MARF1: variants seen among roughly 807,000 people sequenced by gnomAD.
MARF1 encodes the protein meiosis regulator and mRNA stability factor 1.
In MARF1, 24 loss-of-function variants were observed where a neutral mutation model predicts 168.2. That is an observed-to-expected ratio of 0.14 (90% CI 0.10 to 0.20). MARF1 has a LOEUF of 0.20. MARF1 is among the 10% of genes least tolerant of loss of function. MARF1 has a pLI of 1.00. For missense variants in MARF1, 1,744 were observed against 2,143.6 expected, an observed-to-expected ratio of 0.81 and a Z score of 3.68; for synonymous variants, 868 against 822.4, an observed-to-expected ratio of 1.06 and a Z score of -0.95.
chr16:15,612,815 G>C, intron 16 of MARF1, 38 bp from the exon 17 acceptor site: 2 of 1,559,472 alleles, frequency 1.3e-6, no homozygotes, highest in Non-Finnish European at 1.8e-6. Context: ...AGAAAGCACA[G>C]ATTTCACCAG....
In MARF1 at chr16:15,617,488, G is replaced by C; in HGVS notation, c.2768C>G (p.Thr923Arg). ...NVSDLYKLTD[T>R]VAIREQGNGR... ...GTTTCCTTGTTCACGGATTGCGACC[G>C]TGTCTGTTAATTTATATAGATCTGA... Residue 923 changes from threonine to arginine, a missense_variant, in exon 14 of 27, where the codon ACG (threonine) becomes AGG (arginine). Transcript: ENST00000396368. 6.2e-7 allele frequency: 1 copy of C among 1,613,666 alleles called. No homozygotes were observed. Among genetic ancestry groups the C allele is most frequent in the South Asian group, 1.1e-5 (1 of 91,056 alleles).
At chr16:15,615,644 A>T (rs1025908729) in intron 16 of MARF1, among the ~76,000 whole-genome samples, 186 bp downstream of exon 16, 7 of 152,156 alleles carry the variant, frequency 4.6e-5, no homozygotes, top group Admixed American at 1.3e-4. Flanking sequence ...AATAAATAAA[A>T]AATAAAACAA....
rs2035237494 is a variant in MARF1, at chr16:15,631,324, A to G, written c.1351+57T>C. 13 of 1,191,072 alleles carry G rather than the reference A, an allele frequency of 1.1e-5. No homozygotes were observed. The South Asian group carries it at 1.2e-4, about 11-fold the overall frequency. 73.8% of individuals were successfully genotyped at this position (1,191,072 alleles called of 1,614,324 possible). On this transcript the variant is annotated intron_variant, in intron 6 of 26. Transcript: ENST00000396368. ...TTACTTTCACATGTTGCTGGCTTCTATGATAATTTCCCACACAGTGAGTTT... is the reference window on the plus strand; with the variant it reads ...TTACTTTCACATGTTGCTGGCTTCTGTGATAATTTCCCACACAGTGAGTTT...
At chr16:15,635,533 G>T in intron 3 of MARF1, 123 bp downstream of exon 3, 1 of 851,030 alleles carries the variant, frequency 1.2e-6, no homozygotes, top group East Asian at 2.7e-5. Flanking sequence ...CTGATGGGGA[G>T]ATTCCCCTAT....
chr16:15,636,491 T>TA, intron 2 of MARF1, 149 bp from the exon 3 acceptor site: 1 of 624,286 alleles, frequency 1.6e-6, no homozygotes, highest in Non-Finnish European at 2.7e-6. Flanking sequence ...CACAGCTAGT[T>TA]AAAACCAGGA....
Position 15,613,661 on chromosome 16 carries a change from C to CAATAAATAATAAATAAATAAATA in MARF1, c.3254-885_3254-884insTATTTATTTATTTATTATTTATT, listed in dbSNP as rs74800793. Reference sequence around the variant, plus strand: ...TGGGACACAGAGCGAGATTCCGTCTCAATAAATAAATAAATAAATAAATAA... The same window carrying CAATAAATAATAAATAAATAAATA: ...TGGGACACAGAGCGAGATTCCGTCTCAATAAATAATAAATAAATAAATAAATAAATAAATAAATAAATAAATAA... On this transcript the variant is annotated intron_variant, in intron 16 of 26. Transcript: ENST00000396368. 4.8e-3 allele frequency among the ~76,000 whole-genome samples: 602 copies of CAATAAATAATAAATAAATAAATA among 126,652 alleles called. 8 individuals carry two copies. The highest frequency in any genetic ancestry group is 7.3e-3 in the South Asian group (27 of 3,690). 83.1% of individuals were successfully genotyped at this position (126,652 alleles called of 152,430 possible).
intron 23 of MARF1, 105 bp from the exon 24 acceptor site, chr16:15,600,806 T>G (rs2032348236): frequency 4.3e-6 from 5 of 1,170,098 alleles, no homozygotes; most frequent in Non-Finnish European, 6.4e-6. Flanking sequence ...GGCTAGAATT[T>G]AGGAGCTGAG....
intron 12 of MARF1, 93 bp from the exon 13 acceptor site, chr16:15,620,624 C>A: frequency 4.0e-6 from 3 of 758,408 alleles, no homozygotes; most frequent in South Asian, 2.1e-5. Context: ...AGTGCATATG[C>A]AAAATAAATT....
intron 13 of MARF1, among the ~76,000 whole-genome samples, chr16:15,618,375 C>T (rs1306514967): frequency 6.6e-6 from 1 of 152,216 alleles, no homozygotes; most frequent in Non-Finnish European, 1.5e-5. Flanking sequence ...CATTCTCAGT[C>T]TCGTACTCTA....
Position 15,612,779 on chromosome 16 carries a change from T to G in MARF1, c.3254-2A>C. On this transcript the variant is annotated splice_acceptor_variant, in intron 16 of 26. Transcript: ENST00000396368. LOFTEE classifies it high-confidence loss of function. ...TCTTCGAACGCAGAAGCCAAGGGTC[T>G]AGAAGAAAAAGAACGTGTATAAGAC... The G allele has an allele frequency of 6.2e-7, 1 of 1,613,024 alleles. No homozygotes were observed. The highest frequency in any genetic ancestry group is 8.5e-7 in the Non-Finnish European group (1 of 1,179,094).
At chr16:15,604,126 T>C (rs748500355) in intron 22 of MARF1, 42 bp downstream of exon 22, 4 of 1,429,338 alleles carry the variant, frequency 2.8e-6, no homozygotes, top group East Asian at 2.3e-5. Flanking sequence ...GCCCAATCGA[T>C]AGTTTTCAAT....
chr16:15,616,824 G>A (rs970828231), intron 15 of MARF1: 1 of 509,658 alleles, frequency 2.0e-6, no homozygotes, highest in African/African-American at 1.9e-5. Flanking sequence ...GAAAGGTCTA[G>A]TGAAAATATG....
In MARF1 at chr16:15,639,159, C is replaced by T. The variant is rs2035785647; in HGVS notation, c.75G>A (p.Lys25=). The T allele has an allele frequency of 6.2e-7, 1 of 1,614,204 alleles. No individual in the cohort carries two copies. Among genetic ancestry groups the T allele is most frequent in the African/African-American group, 1.3e-5 (1 of 75,072 alleles). Residue 25 remains lysine (K), a synonymous_variant, in exon 2 of 27, where the codon AAG becomes AAA. Transcript: ENST00000396368. Reference sequence around the variant, plus strand: ...AATTAGAGAATTTCCAAAGCCATGGCTTAGCATCATTATCTTGTTGAAGCC... The same window carrying T: ...AATTAGAGAATTTCCAAAGCCATGGTTTAGCATCATTATCTTGTTGAAGCC... ...RGWLQQDNDA[K]PWLWKFSNCF...
chr16:15,600,305 G>A, intron 25 of MARF1, 123 bp downstream of exon 25: 2 of 1,277,064 alleles, frequency 1.6e-6, no homozygotes, highest in South Asian at 1.3e-5. Flanking sequence ...TGAAAAATGT[G>A]TGGCTATGTA....
intron 22 of MARF1, 110 bp from the exon 23 acceptor site, chr16:15,602,313 A>C: frequency 1.2e-6 from 1 of 804,298 alleles, no homozygotes; most frequent in Non-Finnish European, 2.0e-6. Context: ...ACGAAGACAA[A>C]GAAGAAAAAG....
intron 7 of MARF1, among the ~76,000 whole-genome samples, chr16:15,627,317 G>A (rs371697983): frequency 5.3e-5 from 8 of 150,274 alleles, no homozygotes; most frequent in East Asian, 2.0e-4. Flanking sequence ...GTGAAACCTC[G>A]TCTACAAAAA....
At chr16:15,635,456 A>C in intron 3 of MARF1, 200 bp downstream of exon 3, 1 of 564,024 alleles carries the variant, frequency 1.8e-6, no homozygotes, top group Non-Finnish European at 3.1e-6. Flanking sequence ...AAAAATAATG[A>C]CTCTCTACTT....
In MARF1 at chr16:15,620,499, G is replaced by C; in HGVS notation, c.2672C>G (p.Pro891Arg). ...AETMSVLQDA[P>R]ACCLPLFKFT... ...TTTAAACAGAGGCAGGCAACAGGCAGGGGCATCCTGAAGAACAGACATTGT... is the reference window on the plus strand; with the variant it reads ...TTTAAACAGAGGCAGGCAACAGGCACGGGCATCCTGAAGAACAGACATTGT... Residue 891 changes from proline to arginine, a missense_variant, in exon 13 of 27, where the codon CCT (proline) becomes CGT (arginine). Pro to Arg is a moderately radical substitution (Grantham distance 103). This residue lies in a region of MARF1 where 543 missense variants were observed against 742.1 expected (regional missense o/e 0.73). Coordinates refer to ENST00000396368, the MANE Select transcript of MARF1 (RefSeq NM_014647.4). The C allele has an allele frequency of 6.2e-7, 1 of 1,613,128 alleles. No individual in the cohort carries two copies. Among genetic ancestry groups the C allele is most frequent in the Non-Finnish European group, 8.5e-7 (1 of 1,179,442 alleles).
At chr16:15,637,602 C>G (rs929653790) in intron 2 of MARF1, among the ~76,000 whole-genome samples, 1 of 152,168 alleles carries the variant, frequency 6.6e-6, no homozygotes. Context: ...ATGAGTTGAT[C>G]CCCTGAACCT....
Sources: allele counts gnomAD v4.1 joint callset (sites outside exome capture counted in the v4.1 genomes callset), GRCh38; gene constraint gnomAD v4.1.1; regional missense constraint gnomAD v4.1.1; transcripts MANE v1.5; gene names NCBI Gene and HGNC (gene_info 2026-07-23, HGNC 2026-07-21).